The following HRH1 variants were observed in gnomAD, a reference collection of about 807,000 sequenced individuals.
HRH1 encodes histamine H1 receptor.
A neutral mutation model predicts 10.3 loss-of-function variants in HRH1; 6 were observed. The ratio of observed to expected loss-of-function variants is 0.58; its 90% CI spans 0.32 to 1.15. The LOEUF (loss-of-function observed/expected upper bound fraction) is 1.15. HRH1 is among the 50% of genes most tolerant of loss of function. The pLI is 0.05. For missense variants in HRH1, 514 were observed against 615.3 expected (o/e 0.84, Z 1.74); for synonymous variants, 242 against 236.7 (o/e 1.02, Z -0.21).
intron 1 of HRH1, among the ~76,000 whole-genome samples, chr3:11,200,077 G>A (rs1012373744): frequency 2.0e-5 from 3 of 152,196 alleles, no homozygotes; most frequent in African/African-American, 7.2e-5. Flanking sequence ...GAGATGCAGA[G>A]AGAAAGATCC....
chr3:11,234,191 A>C (rs1319921335), intron 1 of HRH1: 1 of 1,010,900 alleles, frequency 9.9e-7, no homozygotes, highest in African/African-American at 1.6e-5. Context: ...GAAGGTGACA[A>C]CAAGGTCTTT....
chr3:11,251,731 A>G (rs1371922413), intron 1 of HRH1, among the ~76,000 whole-genome samples: 1 of 152,230 alleles, frequency 6.6e-6, no homozygotes, highest in Non-Finnish European at 1.5e-5. Context: ...TTTTCTAACA[A>G]GATAGCCTTG....
intron 1 of HRH1, among the ~76,000 whole-genome samples, chr3:11,198,136 T>C (rs1937744593): frequency 2.0e-5 from 3 of 152,206 alleles, no homozygotes; most frequent in African/African-American, 7.2e-5. Context: ...GCTCCGCATC[T>C]GCAAGGCTGT....
At chr3:11,210,903 G>T (rs1477225123) in intron 1 of HRH1, among the ~76,000 whole-genome samples, 1 of 152,040 alleles carries the variant, frequency 6.6e-6, no homozygotes, top group African/African-American at 2.4e-5. Flanking sequence ...CATGACTCCA[G>T]GGCCCTCAGA....
chr3:11,202,438 T>TAAATAATTAAA (rs58125465), intron 1 of HRH1, among the ~76,000 whole-genome samples: 1,633 of 133,564 alleles, frequency 0.012, 19 homozygotes, highest in Non-Finnish European at 0.017. Flanking sequence ...AAATAAATAA[T>TAAATAATTAAA]TAATTAAAAA....
At chr3:11,252,616 T>A (rs1207911892) in intron 1 of HRH1, 1 of 152,208 alleles carries the variant, frequency 6.6e-6, no homozygotes. Context: ...GAAGGCATCA[T>A]TTAAATCTAT....
chr3:11,193,722 TCAACA>T (rs1937591655), intron 1 of HRH1, among the ~76,000 whole-genome samples: 2 of 152,104 alleles, frequency 1.3e-5, no homozygotes, highest in Admixed American at 6.6e-5. Flanking sequence ...ATGGTGACAG[TCAACA>T]TTTTGGTTCA....
chr3:11,194,565 C>T (rs1937606566), intron 1 of HRH1, among the ~76,000 whole-genome samples: 1 of 152,206 alleles, frequency 6.6e-6, no homozygotes, highest in Non-Finnish European at 1.5e-5. Flanking sequence ...TGTTGGCTCA[C>T]GCCTGTAATC....
chr3:11,242,337 C>A (rs548886589), intron 1 of HRH1, among the ~76,000 whole-genome samples: 1 of 152,030 alleles, frequency 6.6e-6, no homozygotes, highest in South Asian at 2.1e-4. Flanking sequence ...AAAAATTAGC[C>A]GGCCATGGTG....
chr3:11,227,216 G>T (rs1175850720), intron 1 of HRH1, among the ~76,000 whole-genome samples: 1 of 152,066 alleles, frequency 6.6e-6, no homozygotes, highest in Admixed American at 6.5e-5. Flanking sequence ...GCAGAGTTTT[G>T]AAGTAGGTCT....
intron 1 of HRH1, among the ~76,000 whole-genome samples, chr3:11,198,359 C>G (rs1937756515): frequency 6.6e-6 from 1 of 152,152 alleles, no homozygotes; most frequent in Admixed American, 6.5e-5. Context: ...TCCCTCTGAT[C>G]TGTATCATTT....
chr3:11,225,000 A>G (rs1269907268), intron 1 of HRH1, among the ~76,000 whole-genome samples: 1 of 152,190 alleles, frequency 6.6e-6, no homozygotes, highest in Non-Finnish European at 1.5e-5. Context: ...GAGAGGGGAA[A>G]GTAGGCAACG....
chr3:11,174,305 T>C (rs1937209295), intron 1 of HRH1, among the ~76,000 whole-genome samples: 1 of 152,158 alleles, frequency 6.6e-6, no homozygotes. Context: ...CTTCTAGGGA[T>C]TTCTAATAAC....
At chr3:11,147,978 A>G (rs574244588) in intron 1 of HRH1, among the ~76,000 whole-genome samples, 27 of 152,204 alleles carry the variant, frequency 1.8e-4, no homozygotes, top group African/African-American at 6.3e-4. Flanking sequence ...TCAAGTGATC[A>G]AGACCATCCT....
At chr3:11,239,145 T>C (rs6803566) in intron 1 of HRH1, among the ~76,000 whole-genome samples, 6,719 of 152,300 alleles carry the variant, frequency 0.044, 497 homozygotes, top group African/African-American at 0.15. Flanking sequence ...TTCAGAGTTC[T>C]TCTTTCTCCA....
At chr3:11,238,226 T>G (rs1241897216) in intron 1 of HRH1, among the ~76,000 whole-genome samples, 3 of 152,196 alleles carry the variant, frequency 2.0e-5, no homozygotes, top group Non-Finnish European at 2.9e-5. Context: ...ATCACAGATG[T>G]GCGGGAGGAA....
intron 1 of HRH1, among the ~76,000 whole-genome samples, chr3:11,251,997 C>T (rs1939665741): frequency 6.6e-6 from 1 of 152,194 alleles, no homozygotes; most frequent in African/African-American, 2.4e-5. Flanking sequence ...CAAGGCTACG[C>T]CCTTGTTTAC....
chr3:11,254,770 G>A (rs1365295442), intron 1 of HRH1, among the ~76,000 whole-genome samples: 1 of 152,132 alleles, frequency 6.6e-6, no homozygotes, highest in Non-Finnish European at 1.5e-5. Flanking sequence ...CAGCACATAG[G>A]CAGAAAATTC....
chr3:11,158,821 G>T (rs554271317), intron 1 of HRH1, among the ~76,000 whole-genome samples: 30 of 152,274 alleles, frequency 2.0e-4, no homozygotes, highest in Admixed American at 3.9e-4. Flanking sequence ...AAATGTATTT[G>T]TAGATTCTTT....
Sources: gnomAD v4.1 joint callset for allele counts (sites outside exome capture counted in the v4.1 genomes callset) on GRCh38, gnomAD v4.1.1 for gene constraint, MANE v1.5 for transcripts, NCBI Gene and HGNC (gene_info 2026-07-23, HGNC 2026-07-21) for gene names.